The following CCDC93 variants were observed in gnomAD, a reference collection of about 807,000 sequenced individuals.
CCDC93 encodes the protein coiled-coil domain-containing protein 93.
A neutral mutation model predicts 108.2 loss-of-function variants in CCDC93; 61 were observed. The observed-to-expected ratio is 0.56, with a 90% confidence interval of 0.46 to 0.70. The LOEUF (loss-of-function observed/expected upper bound fraction) is 0.70. CCDC93 is among the 30% of genes least tolerant of loss of function. The pLI is 0.00. For missense variants in CCDC93, 685 were observed against 764.2 expected (o/e 0.90, Z 1.22); for synonymous variants, 276 against 260.4 (o/e 1.06, Z -0.58).
Position 117,916,861 on chromosome 2 carries a change from G to A in CCDC93, c.*3482C>T, listed in dbSNP as rs1453567223. The A allele has an allele frequency of 1.3e-5, 2 of 152,208 alleles. No individual in the cohort carries two copies. The highest frequency in any genetic ancestry group is 6.5e-5 in the Admixed American group (1 of 15,282). 9.4% of individuals were successfully genotyped at this position (152,208 alleles called of 1,614,324 possible). ...GGACTTCATGAAAAGGATCAAGAGA[G>A]GGCCTGGGGGATTCTGAAGATGCAC... is the stretch of plus-strand genomic sequence containing the variant. On this transcript the variant is annotated 3_prime_UTR_variant, in exon 24 of 24. Transcript: ENST00000376300.
chr2:118,003,014 G>A (rs1233297643), intron 3 of CCDC93, among the ~76,000 whole-genome samples: 1 of 152,212 alleles, frequency 6.6e-6, no homozygotes, highest in East Asian at 1.9e-4. Flanking sequence ...CCCTAGACCA[G>A]GCAAGAGTGG....
At chr2:117,956,102 C>G (rs191264963) in intron 12 of CCDC93, among the ~76,000 whole-genome samples, 1 of 152,330 alleles carries the variant, frequency 6.6e-6, no homozygotes, top group Admixed American at 6.5e-5. Context: ...CAAGTCTCTC[C>G]CTTCCCTACC....
At chr2:117,995,941 ATTG>A (rs1286561242) in intron 5 of CCDC93, among the ~76,000 whole-genome samples, 1 of 151,912 alleles carries the variant, frequency 6.6e-6, no homozygotes, top group Non-Finnish European at 1.5e-5. Flanking sequence ...ATTAGCTATT[ATTG>A]TTTTTAATTA....
At chr2:117,996,567 G>A in intron 4 of CCDC93, 1 of 481,890 alleles carries the variant, frequency 2.1e-6, no homozygotes, top group East Asian at 3.5e-5. Flanking sequence ...ACCTAGTGCT[G>A]AGTAGCCGTG....
At chr2:117,922,174 C>T (rs1160352207) in intron 23 of CCDC93, among the ~76,000 whole-genome samples, 1 of 152,172 alleles carries the variant, frequency 6.6e-6, no homozygotes, top group African/African-American at 2.4e-5. Flanking sequence ...TTAAATGAGG[C>T]AAAAACAGCA....
chr2:117,973,517 G>A (rs910946454), intron 11 of CCDC93, among the ~76,000 whole-genome samples: 4 of 151,728 alleles, frequency 2.6e-5, no homozygotes, highest in African/African-American at 7.3e-5. Context: ...GGGTTTGGCT[G>A]AGTTATGGGG....
intron 1 of CCDC93, among the ~76,000 whole-genome samples, chr2:118,011,730 G>GCCAC (rs1677026534): frequency 6.6e-6 from 1 of 152,068 alleles, no homozygotes; most frequent in Non-Finnish European, 1.5e-5. Context: ...ACACCCACTG[G>GCCAC]CCACCCCACC....
intron 21 of CCDC93, among the ~76,000 whole-genome samples, chr2:117,936,233 G>A (rs543873459): frequency 1.3e-5 from 2 of 152,150 alleles, no homozygotes; most frequent in East Asian, 1.9e-4. Flanking sequence ...TGGTGGGTGG[G>A]CAAATGGACA....
At chr2:117,956,017 A>G (rs1679204799) in intron 12 of CCDC93, among the ~76,000 whole-genome samples, 2 of 152,198 alleles carry the variant, frequency 1.3e-5, no homozygotes, top group Non-Finnish European at 2.9e-5. Flanking sequence ...AAACATTTGA[A>G]AACTGACAGA....
At chr2:117,986,961 A>G (rs1297893564) in intron 6 of CCDC93, among the ~76,000 whole-genome samples, 3 of 150,670 alleles carry the variant, frequency 2.0e-5, no homozygotes, top group African/African-American at 7.3e-5. Context: ...TTACAGCTTG[A>G]GCTTAACTGC....
chr2:117,947,677 C>T (rs1429573597), intron 15 of CCDC93, among the ~76,000 whole-genome samples: 1 of 149,716 alleles, frequency 6.7e-6, no homozygotes, highest in Non-Finnish European at 1.5e-5. Context: ...TGACAAATAA[C>T]TGCTGGATGA....
At chr2:117,953,599 A>G (rs1679127159) in intron 12 of CCDC93, among the ~76,000 whole-genome samples, 1 of 152,096 alleles carries the variant, frequency 6.6e-6, no homozygotes, top group Non-Finnish European at 1.5e-5. Flanking sequence ...CTAATACCCA[A>G]TATGACAGTT....
chr2:117,995,445 C>G lies in CCDC93; in HGVS notation c.519+1G>C, dbSNP rs568810293. The G allele has an allele frequency of 6.2e-7, 1 of 1,611,098 alleles. No individual in the cohort carries two copies. The highest frequency in any genetic ancestry group is 2.2e-5 in the East Asian group (1 of 44,868). On this transcript the variant is annotated splice_donor_variant, in intron 6 of 23. Transcript: ENST00000376300. LOFTEE classifies it high-confidence loss of function. Reference sequence around the variant, plus strand: ...CAGAAGAATACGGCCAGGGGACTTACTGAGAGGTCCACAACTGTCTTGATG... The same window carrying G: ...CAGAAGAATACGGCCAGGGGACTTAGTGAGAGGTCCACAACTGTCTTGATG...
chr2:118,013,975 C>T lies in CCDC93; in HGVS notation c.21G>A (p.Pro7=), dbSNP rs749127354. 6.3e-7 allele frequency: 1 copy of T among 1,594,910 alleles called. No homozygotes were observed. ...TTACCTCCGGGAGACCCTGGCCCTC[C>T]GGCCCCCTGGGCAACCCCATGATCC... MGLPRG[P]EGQGLPEVET... Residue 7 remains proline (P), a synonymous_variant, in exon 1 of 24, where the codon CCG becomes CCA. Transcript: ENST00000376300.
chr2:117,918,534 T>C lies in CCDC93; in HGVS notation c.*1809A>G, dbSNP rs1171515105. The C allele has an allele frequency of 1.3e-5, 2 of 152,174 alleles. No individual in the cohort carries two copies. The highest frequency in any genetic ancestry group is 4.8e-5 in the African/African-American group (2 of 41,424). The allele number at this position is 152,174 out of a possible 1,614,324, so 9.4% of individuals were successfully genotyped here. A position where few individuals can be genotyped will look rare whatever the true frequency, so the allele number is the denominator to read the frequency against. ...CCTCCCTACCACCTTTGGACAAATA[T>C]TCAAATAACTGCCCCAACTGCTCAC... On this transcript the variant is annotated 3_prime_UTR_variant, in exon 24 of 24. Coordinates refer to ENST00000376300, the MANE Select transcript of CCDC93 (RefSeq NM_019044.5).
At chr2:117,988,722 T>G (rs532503687) in intron 6 of CCDC93, among the ~76,000 whole-genome samples, 1 of 152,198 alleles carries the variant, frequency 6.6e-6, no homozygotes, top group Admixed American at 6.5e-5. Context: ...TTCTTAAAAA[T>G]TCTCACATTA....
At chr2:117,936,159 C>A (rs1678519997) in intron 21 of CCDC93, among the ~76,000 whole-genome samples, 1 of 151,678 alleles carries the variant, frequency 6.6e-6, no homozygotes, top group African/African-American at 2.4e-5. Flanking sequence ...CAGAGGACAG[C>A]AGAGATTTGT....
chr2:117,933,207 C>A (rs1259088918), intron 22 of CCDC93, among the ~76,000 whole-genome samples: 2 of 152,156 alleles, frequency 1.3e-5, no homozygotes, highest in African/African-American at 4.8e-5. Flanking sequence ...AAGCTTGGGA[C>A]ATGAAATGGT....
intron 7 of CCDC93, among the ~76,000 whole-genome samples, chr2:117,982,613 C>T (rs527761105): frequency 6.6e-6 from 1 of 152,236 alleles, no homozygotes; most frequent in South Asian, 2.1e-4. Flanking sequence ...TGACCTTCAA[C>T]CCCAAGGAAG....
Sources: gnomAD v4.1 joint callset for allele counts (sites outside exome capture counted in the v4.1 genomes callset) on GRCh38, gnomAD v4.1.1 for gene constraint, MANE v1.5 for transcripts, NCBI Gene and HGNC (gene_info 2026-07-23, HGNC 2026-07-21) for gene names.